Variants in CREB5 observed in about 807,000 individuals in gnomAD.
CREB5 encodes cyclic AMP-responsive element-binding protein 5.
A neutral mutation model predicts 57.1 loss-of-function variants in CREB5; 19 were observed. That is an observed-to-expected ratio of 0.33 (90% CI 0.23 to 0.49). The LOEUF (loss-of-function observed/expected upper bound fraction) is 0.49. Among genes scored for constraint, CREB5 ranks in the 20% least tolerant of loss-of-function variants. CREB5 has a pLI of 0.99. For missense variants in CREB5, 579 were observed against 671.6 expected (o/e 0.86, Z 1.52); for synonymous variants, 238 against 238.3 (o/e 1.00, Z 0.01).
chr7:28,740,470 TG>T (rs1226263831), intron 7 of CREB5, among the ~76,000 whole-genome samples: 1 of 152,196 alleles, frequency 6.6e-6, no homozygotes, highest in African/African-American at 2.4e-5. Context: ...TGTTCTCTGT[TG>T]TTTGGGAAAC....
chr7:28,633,092 AC>A (rs1798267139), intron 5 of CREB5, among the ~76,000 whole-genome samples: 1 of 152,220 alleles, frequency 6.6e-6, no homozygotes, highest in African/African-American at 2.4e-5. Flanking sequence ...TTTCTGATAA[AC>A]ACATGAGGTA....
chr7:28,319,279 C>T (rs902034738), intron 1 of CREB5, among the ~76,000 whole-genome samples: 1 of 152,126 alleles, frequency 6.6e-6, no homozygotes, highest in Non-Finnish European at 1.5e-5. Flanking sequence ...GCAAAAAGGG[C>T]TTGTTTCTCT....
intron 1 of CREB5, among the ~76,000 whole-genome samples, chr7:28,438,340 G>C (rs1038628473): frequency 6.6e-6 from 1 of 152,124 alleles, no homozygotes; most frequent in Admixed American, 6.6e-5. Flanking sequence ...ATGGGAATGA[G>C]AGTGTGGACT....
chr7:28,628,684 A>G (rs538090164), intron 5 of CREB5, among the ~76,000 whole-genome samples: 1 of 152,292 alleles, frequency 6.6e-6, no homozygotes, highest in Non-Finnish European at 1.5e-5. Flanking sequence ...GCAGCATCCA[A>G]GGTGCTAGAG....
At chr7:28,359,277 T>C (rs995814976) in intron 1 of CREB5, among the ~76,000 whole-genome samples, 4 of 151,040 alleles carry the variant, frequency 2.6e-5, no homozygotes, top group Admixed American at 2.0e-4. Context: ...TTGAGATATG[T>C]TAAGCAAATC....
chr7:28,671,167 G>A (rs748420527), intron 5 of CREB5, among the ~76,000 whole-genome samples: 1 of 151,884 alleles, frequency 6.6e-6, no homozygotes, highest in African/African-American at 2.4e-5. Flanking sequence ...AGGTGGGGAG[G>A]ACTGCTTCAG....
chr7:28,632,899 C>A lies in CREB5; in HGVS notation c.464+62362C>A, dbSNP rs542527480. On this transcript the variant is annotated intron_variant, in intron 5 of 10. Transcript: ENST00000357727. ...AAATAGAAACACCGTAAGTTCAAGG[C>A]TGGCATCTATCCTGTTCACCCTGAG... is the stretch of plus-strand genomic sequence containing the variant. Among the ~76,000 whole-genome samples the A allele has an allele frequency of 1.1e-3, 169 of 152,262 alleles. 1 individual carries two copies. The highest frequency in any genetic ancestry group is 3.9e-3 in the African/African-American group (162 of 41,534).
At chr7:28,501,425 G>A (rs192943893) in intron 3 of CREB5, among the ~76,000 whole-genome samples, 86 of 152,272 alleles carry the variant, frequency 5.6e-4, no homozygotes, top group Non-Finnish European at 9.1e-4. Context: ...TTTCTCGTCC[G>A]TATTCTTAGC....
intron 1 of CREB5, among the ~76,000 whole-genome samples, chr7:28,368,926 G>A (rs528337153): frequency 1.3e-5 from 2 of 152,222 alleles, no homozygotes; most frequent in African/African-American, 2.4e-5. Context: ...CACACCTGTA[G>A]TCCCAGCTAC....
In CREB5 at chr7:28,652,598, C is replaced by T. The variant is rs978922403; in HGVS notation, c.465-66155C>T. Among the ~76,000 whole-genome samples, 12 of 152,270 alleles carry T rather than the reference C, an allele frequency of 7.9e-5. No individual in the cohort carries two copies. In the East Asian group the frequency reaches 1.2e-3, roughly 15 times the overall value. On this transcript the variant is annotated intron_variant, in intron 5 of 10. Coordinates refer to ENST00000357727, the MANE Select transcript of CREB5 (RefSeq NM_182898.4). The stretch of plus-strand genomic sequence containing the variant: ...TACTTTCTTTGAGCCTTAGTTTCTC[C>T]TTCTATAAAATGGGATTAAATAGTA...
intron 4 of CREB5, among the ~76,000 whole-genome samples, chr7:28,532,280 C>G (rs1339006235): frequency 2.0e-5 from 3 of 152,176 alleles, no homozygotes; most frequent in African/African-American, 7.2e-5. Flanking sequence ...TGAATATAGC[C>G]CTGGCTGATA....
At chr7:28,457,771 C>G (rs1003965961) in intron 1 of CREB5, among the ~76,000 whole-genome samples, 5 of 152,152 alleles carry the variant, frequency 3.3e-5, no homozygotes, top group African/African-American at 4.8e-5. Context: ...AGGCTTGGAA[C>G]TGGGTTTGTC....
At chr7:28,681,994 C>T (rs1800618832) in intron 5 of CREB5, among the ~76,000 whole-genome samples, 1 of 152,186 alleles carries the variant, frequency 6.6e-6, no homozygotes, top group African/African-American at 2.4e-5. Context: ...ATATCCACCC[C>T]CAAAGGTTTC....
At chr7:28,633,128 A>C (rs982935711) in intron 5 of CREB5, among the ~76,000 whole-genome samples, 1 of 152,228 alleles carries the variant, frequency 6.6e-6, no homozygotes, top group African/African-American at 2.4e-5. Context: ...TCTTATTTAC[A>C]GATTAGTAAA....
intron 4 of CREB5, among the ~76,000 whole-genome samples, chr7:28,569,142 CTTTCT>C (rs756631249): frequency 2.0e-5 from 3 of 151,070 alleles, no homozygotes; most frequent in African/African-American, 4.9e-5. Context: ...AGCACTTTCT[CTTTCT>C]TTTCTTTTCT....
chr7:28,520,664 GAA>G (rs1452990629), intron 4 of CREB5, among the ~76,000 whole-genome samples: 6 of 152,328 alleles, frequency 3.9e-5, no homozygotes, highest in African/African-American at 1.4e-4. Flanking sequence ...AGGATTTTTA[GAA>G]AGACTATCTC....
At chr7:28,471,120 C>T (rs112286551) in intron 1 of CREB5, among the ~76,000 whole-genome samples, 4,455 of 152,200 alleles carry the variant, frequency 0.029, 225 homozygotes, top group African/African-American at 0.1. Flanking sequence ...GTTGCCTGTG[C>T]ATGTGGGTAT....
intron 5 of CREB5, among the ~76,000 whole-genome samples, chr7:28,665,212 G>A (rs1430141418): frequency 2.0e-5 from 3 of 152,216 alleles, no homozygotes; most frequent in African/African-American, 7.2e-5. Context: ...GGAGGGCCAA[G>A]GAGGTGTATG....
chr7:28,778,853 G>A (rs529787087), intron 7 of CREB5: 1 of 152,274 alleles, frequency 6.6e-6, no homozygotes, highest in East Asian at 1.9e-4. Flanking sequence ...TATAGCAAAT[G>A]TATTTTGACT....
Sources: gnomAD v4.1 joint callset for allele counts (sites outside exome capture counted in the v4.1 genomes callset) on GRCh38, gnomAD v4.1.1 for gene constraint, MANE v1.5 for transcripts, NCBI Gene and HGNC (gene_info 2026-07-23, HGNC 2026-07-21) for gene names.